Variants in NUMB observed in about 807,000 individuals in gnomAD.
The protein encoded by NUMB is NUMB endocytic adaptor protein.
NUMB carries 29 observed loss-of-function variants against 59.7 expected under a neutral mutation model. That is an observed-to-expected ratio of 0.49 (90% CI 0.36 to 0.66). The LOEUF (loss-of-function observed/expected upper bound fraction) is 0.66. Among genes scored for constraint, NUMB ranks in the 30% least tolerant of loss-of-function variants. The pLI is 0.00. For missense variants in NUMB, 723 were observed against 822.0 expected, an observed-to-expected ratio of 0.88 and a Z score of 1.47; for synonymous variants, 288 against 288.2, an observed-to-expected ratio of 1.00 and a Z score of 0.01.
rs1888686410 is a variant in NUMB at position 73,282,352 on chromosome 14, CACCA to C, written c.1096+3_1096+6del. On this transcript the variant is annotated splice_donor_5th_base_variant and intron_variant, in intron 11 of 12. Transcript: ENST00000555238. ...GAGAACAGCTGAGCAGGTCAGAGGG[CACCA>C]ACCTTGGAAGGTAGGAGATTGTGGT... The C allele has an allele frequency of 6.2e-7, 1 of 1,613,738 alleles. No homozygotes were observed. The highest frequency in any genetic ancestry group is 1.3e-5 in the African/African-American group (1 of 74,892).
In NUMB at chr14:73,443,657, C is replaced by G. The variant is rs532218365; in HGVS notation, c.-233+14836G>C. On this transcript the variant is annotated intron_variant, in intron 1 of 12. Coordinates refer to ENST00000555238, the MANE Select transcript of NUMB (RefSeq NM_001005743.2). ...AGGATTGATCGATTGATGATTGATT[C>G]ATTCATTCATTGAGCTGGAGTCTTG... is the stretch of plus-strand genomic sequence containing the variant. Among the ~76,000 whole-genome samples, 8 of 151,178 alleles carry G rather than the reference C, an allele frequency of 5.3e-5. No homozygotes were observed. In the South Asian group the frequency reaches 1.5e-3, roughly 28 times the overall value.
At chr14:73,389,515 G>T (rs537409769) in intron 2 of NUMB, among the ~76,000 whole-genome samples, 1 of 151,726 alleles carries the variant, frequency 6.6e-6, no homozygotes, top group Non-Finnish European at 1.5e-5. Flanking sequence ...GTAGAGACAG[G>T]GTTTCACTGT....
At chr14:73,400,664 A>G (rs1896367838) in intron 2 of NUMB, among the ~76,000 whole-genome samples, 1 of 152,198 alleles carries the variant, frequency 6.6e-6, no homozygotes, top group Admixed American at 6.5e-5. Flanking sequence ...CAACCTCCAG[A>G]GAGGGAAGAG....
intron 4 of NUMB, among the ~76,000 whole-genome samples, chr14:73,332,394 C>T (rs757061377): frequency 6.6e-6 from 1 of 152,080 alleles, no homozygotes; most frequent in African/African-American, 2.4e-5. Flanking sequence ...GCTGGGATTA[C>T]AGGCGTACGC....
intron 4 of NUMB, among the ~76,000 whole-genome samples, chr14:73,342,731 A>T (rs1017088007): frequency 1.3e-5 from 2 of 152,216 alleles, no homozygotes; most frequent in African/African-American, 2.4e-5. Context: ...ATCACGTACC[A>T]GGCAGTGCTG....
chr14:73,397,714 TG>T (rs1186668992), intron 2 of NUMB, among the ~76,000 whole-genome samples: 5 of 152,234 alleles, frequency 3.3e-5, no homozygotes, highest in Admixed American at 6.5e-5. Flanking sequence ...CAATTAAAAA[TG>T]AAGTTATTTG....
chr14:73,351,862 G>A (rs1387251394), intron 4 of NUMB, among the ~76,000 whole-genome samples: 1 of 151,926 alleles, frequency 6.6e-6, no homozygotes, highest in Non-Finnish European at 1.5e-5. Flanking sequence ...TGTAGACCCA[G>A]CTACTCGGGA....
intron 3 of NUMB, 130 bp from the exon 4 acceptor site, chr14:73,355,896 TA>T: frequency 3.1e-6 from 2 of 644,866 alleles, no homozygotes; most frequent in Non-Finnish European, 5.2e-6. Flanking sequence ...AAGCAATATA[TA>T]ATTATCATGT....
chr14:73,419,285 C>A (rs759169690), intron 1 of NUMB, among the ~76,000 whole-genome samples: 1 of 151,984 alleles, frequency 6.6e-6, no homozygotes, highest in Non-Finnish European at 1.5e-5. Context: ...CCGAGGCGGG[C>A]GGATCACAAG....
chr14:73,366,559 C>T (rs940008429), intron 3 of NUMB, among the ~76,000 whole-genome samples: 3 of 152,070 alleles, frequency 2.0e-5, no homozygotes, highest in Non-Finnish European at 4.4e-5. Flanking sequence ...GATAATATTA[C>T]CATCACAATT....
intron 1 of NUMB, among the ~76,000 whole-genome samples, chr14:73,453,703 G>C (rs1884152431): frequency 6.6e-6 from 1 of 151,024 alleles, no homozygotes; most frequent in South Asian, 2.1e-4. Context: ...CGCCTCCTAG[G>C]TTCAAGCCAT....
chr14:73,454,418 G>A (rs949377048), intron 1 of NUMB, among the ~76,000 whole-genome samples: 3 of 152,074 alleles, frequency 2.0e-5, no homozygotes, highest in African/African-American at 7.2e-5. Flanking sequence ...TAAAAAACTA[G>A]ATATAGGGGT....
chr14:73,338,341 T>G (rs1453327619), intron 4 of NUMB, among the ~76,000 whole-genome samples: 1 of 152,050 alleles, frequency 6.6e-6, no homozygotes, highest in East Asian at 1.9e-4. Context: ...CTTGTGACAC[T>G]TTACAAATCT....
At chr14:73,406,701 C>G (rs1459372462) in intron 2 of NUMB, among the ~76,000 whole-genome samples, 7 of 152,140 alleles carry the variant, frequency 4.6e-5, no homozygotes, top group Non-Finnish European at 7.4e-5. Flanking sequence ...CTAGTTTACA[C>G]TCCCACCAAC....
chr14:73,395,038 TG>T (rs1896058859), intron 2 of NUMB, among the ~76,000 whole-genome samples: 3 of 3,822 alleles, frequency 7.8e-4, no homozygotes, highest in East Asian at 4.4e-3. Context: ...TTCGTGTGTT[TG>T]TGTGTGTGTG....
intron 2 of NUMB, among the ~76,000 whole-genome samples, chr14:73,367,296 T>TATATATATAC (rs1406816784): frequency 5.8e-5 from 7 of 121,014 alleles, no homozygotes; most frequent in African/African-American, 2.5e-4. Flanking sequence ...TATATATATA[T>TATATATATAC]ACACACACAC....
chr14:73,413,032 C>G (rs970394935), intron 1 of NUMB, among the ~76,000 whole-genome samples: 1 of 151,946 alleles, frequency 6.6e-6, no homozygotes, highest in African/African-American at 2.4e-5. Flanking sequence ...ATAAAACAGG[C>G]TGTCTGACTC....
chr14:73,355,837 T>C (rs1893753973), intron 3 of NUMB, 71 bp from the exon 4 acceptor site: 3 of 1,210,818 alleles, frequency 2.5e-6, no homozygotes, highest in Non-Finnish European at 3.4e-6. Context: ...TGGATTACCA[T>C]ACTAACCAAA....
intron 1 of NUMB, among the ~76,000 whole-genome samples, chr14:73,423,444 G>C (rs1242015304): frequency 6.6e-6 from 1 of 151,774 alleles, no homozygotes; most frequent in Non-Finnish European, 1.5e-5. Context: ...TTGTAGACCA[G>C]CCTGGCACCA....
Sources: allele counts gnomAD v4.1 joint callset (sites outside exome capture counted in the v4.1 genomes callset), GRCh38; gene constraint gnomAD v4.1.1; transcripts MANE v1.5; gene names NCBI Gene and HGNC (gene_info 2026-07-23, HGNC 2026-07-21).